The following ST6GALNAC5 variants were observed in gnomAD, a reference collection of about 807,000 sequenced individuals.
The protein encoded by ST6GALNAC5 is ST6 N-acetylgalactosaminide alpha-2,6-sialyltransferase 5.
Under a neutral mutation model 33.6 loss-of-function variants are expected in ST6GALNAC5, and 27 were observed. The observed-to-expected ratio is 0.80, with a 90% CI of 0.59 to 1.11. ST6GALNAC5 has a LOEUF of 1.11. Ranked by LOEUF, ST6GALNAC5 falls within the 50% of genes least tolerant of loss-of-function variation. ST6GALNAC5 has a pLI of 0.00. For synonymous variants in ST6GALNAC5, 194 were observed against 171.2 expected (o/e 1.13, Z -1.04); for missense variants, 428 against 454.0 (o/e 0.94, Z 0.52).
At chr1:77,028,954 T>G (rs898405785) in intron 2 of ST6GALNAC5, among the ~76,000 whole-genome samples, 3 of 152,148 alleles carry the variant, frequency 2.0e-5, no homozygotes, top group Non-Finnish European at 4.4e-5. Context: ...GGGAGTGCAT[T>G]TCAGATGAAG....
At chr1:76,968,820 A>G in intron 2 of ST6GALNAC5, among the ~76,000 whole-genome samples, 1 of 152,134 alleles carries the variant, frequency 6.6e-6, no homozygotes, top group Non-Finnish European at 1.5e-5. Context: ...AAAGGATTTT[A>G]TTTCTCCTTC....
chr1:76,979,354 A>G (rs903249653), intron 2 of ST6GALNAC5, among the ~76,000 whole-genome samples: 6 of 152,250 alleles, frequency 3.9e-5, no homozygotes, highest in African/African-American at 1.4e-4. Context: ...AGCAACAGGT[A>G]TCACACTACC....
At chr1:76,880,822 T>C (rs1427509361) in intron 2 of ST6GALNAC5, among the ~76,000 whole-genome samples, 1 of 152,180 alleles carries the variant, frequency 6.6e-6, no homozygotes, top group Non-Finnish European at 1.5e-5. Flanking sequence ...ATCACACTCA[T>C]GCTATGGTGA....
rs554866633 is a variant in ST6GALNAC5 at position 76,999,806 on chromosome 1, C to A, written c.262-44398C>A. Among the ~76,000 whole-genome samples, 288 of 143,084 alleles carry A rather than the reference C, an allele frequency of 2.0e-3. 3 individuals carry two copies. Among genetic ancestry groups the A allele is most frequent in the African/African-American group, 6.7e-3 (274 of 40,956 alleles). 93.9% of individuals were successfully genotyped at this position (143,084 alleles called of 152,430 possible). A position where few individuals can be genotyped will look rare whatever the true frequency, so the allele number is the denominator to read the frequency against. On this transcript the variant is annotated intron_variant, in intron 2 of 4. Coordinates refer to ENST00000477717, the MANE Select transcript of ST6GALNAC5 (RefSeq NM_030965.3). The stretch of plus-strand genomic sequence containing the variant: ...ATTTCCAATTTCATCCATGTCCCTA[C>A]AAAGGACATGAACTCATCACTTTTT...
chr1:77,042,466 G>T lies in ST6GALNAC5; in HGVS notation c.262-1738G>T, dbSNP rs1022649036. Among the ~76,000 whole-genome samples, 15 of 152,288 alleles carry T rather than the reference G, an allele frequency of 9.8e-5. No homozygotes were observed. The South Asian group carries it at 2.1e-3, about 21-fold the overall frequency. On this transcript the variant is annotated intron_variant, in intron 2 of 4. Coordinates refer to ENST00000477717, the MANE Select transcript of ST6GALNAC5 (RefSeq NM_030965.3). Reference sequence around the variant, plus strand: ...TGTCATGTAAGAGTAATTAGATGTTGGGGGAATTATGAGAATTTGCAATGG... The same window carrying T: ...TGTCATGTAAGAGTAATTAGATGTTTGGGGAATTATGAGAATTTGCAATGG...
At chr1:76,916,009 AT>A (rs976615587) in intron 2 of ST6GALNAC5, among the ~76,000 whole-genome samples, 5 of 149,786 alleles carry the variant, frequency 3.3e-5, no homozygotes, top group African/African-American at 1.2e-4. Context: ...GGCCATCTGC[AT>A]TTTAAAAAAA....
At chr1:76,927,655 C>T (rs894131134) in intron 2 of ST6GALNAC5, among the ~76,000 whole-genome samples, 1 of 152,094 alleles carries the variant, frequency 6.6e-6, no homozygotes, top group Non-Finnish European at 1.5e-5. Flanking sequence ...AATTAAGCCT[C>T]TGGGTTTTTT....
chr1:77,002,499 G>C (rs1415539173), intron 2 of ST6GALNAC5, among the ~76,000 whole-genome samples: 2 of 151,262 alleles, frequency 1.3e-5, no homozygotes, highest in Non-Finnish European at 3.0e-5. Context: ...CTTCAGTTCT[G>C]CTCTGATTTT....
chr1:76,934,713 T>C (rs1421791596), intron 2 of ST6GALNAC5, among the ~76,000 whole-genome samples: 3 of 151,682 alleles, frequency 2.0e-5, no homozygotes, highest in Non-Finnish European at 4.4e-5. Flanking sequence ...GCCCAGGGAG[T>C]ACTGTGAATA....
At chr1:76,966,234 GCATGGAAGGTTCTTC>G (rs1156783345) in intron 2 of ST6GALNAC5, among the ~76,000 whole-genome samples, 2 of 152,156 alleles carry the variant, frequency 1.3e-5, no homozygotes, top group Non-Finnish European at 2.9e-5. Flanking sequence ...CTATTCATGA[GCATGGAAGGTTCTTC>G]CATTTGTTTG....
intron 2 of ST6GALNAC5, among the ~76,000 whole-genome samples, chr1:77,001,104 T>C (rs1650142331): frequency 6.6e-6 from 1 of 151,974 alleles, no homozygotes; most frequent in South Asian, 2.1e-4. Flanking sequence ...GTTCACGATA[T>C]TGATTCTTCC....
At position 76,868,574 on chromosome 1, in the gene ST6GALNAC5, C is replaced by T; in HGVS notation, c.93C>T (p.Gly31=). 1 of 1,613,018 alleles carries T rather than the reference C, an allele frequency of 6.2e-7. No individual in the cohort carries two copies. Among genetic ancestry groups the T allele is most frequent in the East Asian group, 2.2e-5 (1 of 44,840 alleles). The change falls in exon 2 of 5, where the codon GGC becomes GGT. Residue 31 remains glycine, a synonymous_variant. Transcript: ENST00000477717. This position sits in a 1 kb window ranked among gnomAD's most constrained non-coding sequence, Gnocchi z 4.3. The part of the protein sequence containing the change: ...SLLLVYSSLG[G]QKERPPQQQQ... ...TGCTAGTGTACAGCAGCCTCGGCGG[C>T]CAGAAGGAGCGGCCCCCGCAGCAGC...
rs1446334527 is a variant in ST6GALNAC5 at position 76,868,083 on chromosome 1, C to T, written c.15+393C>T. On this transcript the variant is annotated intron_variant, in intron 1 of 4. Coordinates refer to ENST00000477717, the MANE Select transcript of ST6GALNAC5 (RefSeq NM_030965.3). This position sits in a 1 kb window ranked among gnomAD's most constrained non-coding sequence, Gnocchi z 4.3. ...TTTCTTCGTTTTCTTAGATTTCAAACTTGCAAGGATCGCAAGGATCCAGGG... is the reference window on the plus strand; with the variant it reads ...TTTCTTCGTTTTCTTAGATTTCAAATTTGCAAGGATCGCAAGGATCCAGGG... 6.6e-6 allele frequency among the ~76,000 whole-genome samples: 1 copy of T among 152,192 alleles called. No homozygotes were observed. The highest frequency in any genetic ancestry group is 1.5e-5 in the Non-Finnish European group (1 of 68,026).
intron 2 of ST6GALNAC5, among the ~76,000 whole-genome samples, chr1:76,991,012 T>C (rs1197127170): frequency 6.6e-6 from 1 of 151,970 alleles, no homozygotes; most frequent in African/African-American, 2.4e-5. Flanking sequence ...AGGAGGGAAG[T>C]AGGGAAAAGA....
intron 2 of ST6GALNAC5, among the ~76,000 whole-genome samples, chr1:76,911,982 G>T (rs115582690): frequency 0.016 from 2,462 of 151,902 alleles, 38 homozygotes; most frequent in Middle Eastern, 0.041. Context: ...GAATGTGTTC[G>T]CCCTTGCTTT....
intron 2 of ST6GALNAC5, among the ~76,000 whole-genome samples, chr1:76,958,138 T>C (rs858599): frequency 0.024 from 3,602 of 152,298 alleles, 142 homozygotes; most frequent in African/African-American, 0.083. Flanking sequence ...TTTGCTCTGC[T>C]GGTCATGATG....
At chr1:76,909,010 C>G (rs1217662952) in intron 2 of ST6GALNAC5, among the ~76,000 whole-genome samples, 1 of 152,126 alleles carries the variant, frequency 6.6e-6, no homozygotes, top group Non-Finnish European at 1.5e-5. Flanking sequence ...GTTATTATAG[C>G]TATGCTGCCA....
At chr1:76,906,432 A>G (rs936729362) in intron 2 of ST6GALNAC5, among the ~76,000 whole-genome samples, 1 of 152,188 alleles carries the variant, frequency 6.6e-6, no homozygotes, top group African/African-American at 2.4e-5. Flanking sequence ...TGAATTGAGA[A>G]AGGCAGTTAA....
chr1:76,981,171 C>G (rs1263384902), intron 2 of ST6GALNAC5, among the ~76,000 whole-genome samples: 1 of 152,194 alleles, frequency 6.6e-6, no homozygotes, highest in African/African-American at 2.4e-5. Flanking sequence ...AGAGGGCGAG[C>G]TGAAGCAGAG....
Sources: allele counts gnomAD v4.1 joint callset (sites outside exome capture counted in the v4.1 genomes callset), GRCh38; gene constraint gnomAD v4.1.1; non-coding constraint Gnocchi (gnomAD v3.1); transcripts MANE v1.5; gene names NCBI Gene and HGNC (gene_info 2026-07-23, HGNC 2026-07-21).